TBC1D22A: variants seen among roughly 807,000 people sequenced by gnomAD.
TBC1D22A encodes putative GTPase activator.
TBC1D22A carries 38 observed loss-of-function variants against 60.2 expected under a neutral mutation model. The ratio of observed to expected loss-of-function variants is 0.63; its 90% confidence interval spans 0.49 to 0.83. TBC1D22A has a LOEUF of 0.83. TBC1D22A is among the 40% of genes least tolerant of loss of function. TBC1D22A has a pLI of 0.00. For synonymous variants in TBC1D22A, 302 were observed against 281.7 expected (o/e 1.07, Z -0.72); for missense variants, 628 against 701.0 (o/e 0.90, Z 1.18).
intron 4 of TBC1D22A, among the ~76,000 whole-genome samples, chr22:46,847,122 A>G (rs911209710): frequency 2.0e-5 from 3 of 152,208 alleles, no homozygotes; most frequent in Admixed American, 1.3e-4. Flanking sequence ...GTGGAAAACC[A>G]GTTCTGCGGT....
chr22:46,767,262 C>A (rs374383562), intron 1 of TBC1D22A, among the ~76,000 whole-genome samples: 18 of 152,116 alleles, frequency 1.2e-4, no homozygotes, highest in African/African-American at 4.1e-4. Flanking sequence ...TTTCTTTTTC[C>A]GGTAGTGGTC....
chr22:46,837,661 A>C (rs983329423), intron 4 of TBC1D22A, among the ~76,000 whole-genome samples: 1 of 152,246 alleles, frequency 6.6e-6, no homozygotes, highest in African/African-American at 2.4e-5. Flanking sequence ...GGGAAATAAA[A>C]AGAAATCTTG....
intron 8 of TBC1D22A, among the ~76,000 whole-genome samples, chr22:46,928,344 A>G (rs560955585): frequency 2.0e-5 from 3 of 152,390 alleles, no homozygotes; most frequent in African/African-American, 7.2e-5. Context: ...TTTTCCAACC[A>G]GTAGTCCTGG....
intron 4 of TBC1D22A, among the ~76,000 whole-genome samples, chr22:46,856,622 T>C (rs2087583337): frequency 6.6e-6 from 1 of 152,150 alleles, no homozygotes. Context: ...TGATTAGGGC[T>C]CTCTTTCAAG....
intron 8 of TBC1D22A, among the ~76,000 whole-genome samples, chr22:46,953,885 A>G (rs2073048569): frequency 6.6e-6 from 1 of 152,212 alleles, no homozygotes; most frequent in African/African-American, 2.4e-5. Flanking sequence ...AGAGGGAGGC[A>G]GGGAGGGAGG....
intron 10 of TBC1D22A, among the ~76,000 whole-genome samples, chr22:47,006,385 T>C (rs895950500): frequency 3.3e-5 from 5 of 152,254 alleles, no homozygotes; most frequent in Admixed American, 2.6e-4. Context: ...TGCCATCTTA[T>C]TATTCTCTGA....
rs920550428 is a variant in TBC1D22A at position 47,037,833 on chromosome 22, T to C, written c.1329+635T>C. Among the ~76,000 whole-genome samples, 4 of 152,206 alleles carry C rather than the reference T, an allele frequency of 2.6e-5. No individual in the cohort carries two copies. The South Asian group carries it at 8.3e-4, about 32-fold the overall frequency. ...AGGATGCGAGGGATGCTGGTGACTCTGCTGTGAGTTTGAGCTGCTTCTGCC... is the reference window on the plus strand; with the variant it reads ...AGGATGCGAGGGATGCTGGTGACTCCGCTGTGAGTTTGAGCTGCTTCTGCC... On this transcript the variant is annotated intron_variant, in intron 11 of 12. Coordinates refer to ENST00000337137, the MANE Select transcript of TBC1D22A (RefSeq NM_014346.5).
At chr22:47,052,988 C>T (rs942805380) in intron 11 of TBC1D22A, among the ~76,000 whole-genome samples, 2 of 152,244 alleles carry the variant, frequency 1.3e-5, no homozygotes, top group South Asian at 2.1e-4. Flanking sequence ...CCTCCTCACA[C>T]CTGCACACTG....
At chr22:46,982,288 A>G (rs1363203038) in intron 9 of TBC1D22A, among the ~76,000 whole-genome samples, 2 of 146,856 alleles carry the variant, frequency 1.4e-5, no homozygotes, top group African/African-American at 5.1e-5. Flanking sequence ...CAGTGGCATG[A>G]TCTTGGCACA....
intron 8 of TBC1D22A, among the ~76,000 whole-genome samples, chr22:46,936,155 C>T (rs1194631779): frequency 1.3e-5 from 2 of 152,240 alleles, no homozygotes; most frequent in Non-Finnish European, 1.5e-5. Flanking sequence ...CACCTTGACA[C>T]TCATGGTTCT....
rs187325611 is a variant in TBC1D22A, at chr22:47,168,533, G to A, written c.1426-4965G>A. Among the ~76,000 whole-genome samples the A allele has an allele frequency of 4.7e-3, 718 of 152,352 alleles. 3 individuals carry two copies. The highest frequency in any genetic ancestry group is 8.0e-3 in the Non-Finnish European group (544 of 68,034). On this transcript the variant is annotated intron_variant, in intron 12 of 12. Transcript: ENST00000337137. ...TCTGCAGTGCTCGTGGGGTCAGGCA[G>A]CATTGGGGGCGGGCTCGGGCCCAGC...
chr22:47,057,917 C>T (rs572059967), intron 11 of TBC1D22A, among the ~76,000 whole-genome samples: 12 of 152,304 alleles, frequency 7.9e-5, no homozygotes, highest in Non-Finnish European at 1.5e-4. Flanking sequence ...TGTAAAGGGA[C>T]CTGCTGGGCA....
At chr22:46,862,680 C>T (rs1488294877) in intron 4 of TBC1D22A, among the ~76,000 whole-genome samples, 8 of 152,098 alleles carry the variant, frequency 5.3e-5, no homozygotes, top group Admixed American at 5.2e-4. Flanking sequence ...GGGGGTTTCC[C>T]ATCCAAGGCC....
chr22:46,962,319 G>A (rs1024634493), intron 8 of TBC1D22A, among the ~76,000 whole-genome samples: 2 of 152,222 alleles, frequency 1.3e-5, no homozygotes, highest in African/African-American at 4.8e-5. Flanking sequence ...GTAATGAGAA[G>A]TTTTTACCTT....
At position 46,894,775 on chromosome 22, in the gene TBC1D22A, C is replaced by T; in HGVS notation, c.838-9C>T. On this transcript the variant is annotated splice_polypyrimidine_tract_variant and intron_variant, in intron 6 of 12. Coordinates refer to ENST00000337137, the MANE Select transcript of TBC1D22A (RefSeq NM_014346.5). ...GTAACATAAATGTCCGTTTCTCCTG[C>T]TTCTCCAGATCCACATAGACATCCC... The T allele has an allele frequency of 6.2e-7, 1 of 1,614,162 alleles. No homozygotes were observed. The highest frequency in any genetic ancestry group is 8.5e-7 in the Non-Finnish European group (1 of 1,180,016).
intron 10 of TBC1D22A, among the ~76,000 whole-genome samples, chr22:47,031,892 C>T (rs553010039): frequency 1.3e-5 from 2 of 152,262 alleles, no homozygotes; most frequent in East Asian, 3.9e-4. Context: ...GGCTTGGTGG[C>T]CTCTGTGCTT....
intron 12 of TBC1D22A, among the ~76,000 whole-genome samples, chr22:47,148,703 C>T (rs2067381026): frequency 2.0e-5 from 3 of 151,166 alleles, no homozygotes; most frequent in Non-Finnish European, 4.4e-5. Flanking sequence ...GAGTTCCTCT[C>T]CTGGGGTCCC....
chr22:47,050,289 G>A (rs1420498655), intron 11 of TBC1D22A, among the ~76,000 whole-genome samples: 1 of 150,930 alleles, frequency 6.6e-6, no homozygotes, highest in Non-Finnish European at 1.5e-5. Flanking sequence ...ACAGACATGA[G>A]CCACCGCGCC....
chr22:47,067,966 T>A (rs1452330644), intron 11 of TBC1D22A, among the ~76,000 whole-genome samples: 2 of 152,222 alleles, frequency 1.3e-5, no homozygotes, highest in Admixed American at 6.5e-5. Flanking sequence ...ATGCTGGACA[T>A]AACAGACTGA....
Sources: gnomAD v4.1 joint callset for allele counts (sites outside exome capture counted in the v4.1 genomes callset) on GRCh38, gnomAD v4.1.1 for gene constraint, MANE v1.5 for transcripts, NCBI Gene and HGNC (gene_info 2026-07-23, HGNC 2026-07-21) for gene names.